Variants in FTO observed in about 807,000 individuals in gnomAD.
FTO encodes the protein FTO alpha-ketoglutarate dependent dioxygenase.
FTO carries 47 observed loss-of-function variants against 63.9 expected under a neutral mutation model. The observed-to-expected ratio is 0.74, with a 90% CI of 0.58 to 0.94. The LOEUF (loss-of-function observed/expected upper bound fraction) is 0.94, where lower values mean the gene tolerates loss of function less well. FTO is among the 40% of genes least tolerant of loss of function. The probability of loss-of-function intolerance (pLI) is 0.00; values close to 1 mark genes in which losing one functional copy is unlikely to be tolerated. For missense variants in FTO, 562 were observed against 618.1 expected (o/e 0.91, Z 0.96); for synonymous variants, 207 against 224.4 (o/e 0.92, Z 0.69).
rs57925273 is a variant in FTO at position 53,950,155 on chromosome 16, T to TAAAAAAAAAAAA, written c.1364+16059_1364+16070dup. ...GGAAAAAAAAAGATATTCACATTTG[T>TAAAAAAAAAAAA]AAAAAAAAAAAAAAAAAAAAAAAAC... On this transcript the variant is annotated intron_variant, in intron 8 of 8. Coordinates refer to ENST00000471389, the MANE Select transcript of FTO (RefSeq NM_001080432.3). Among the ~76,000 whole-genome samples the TAAAAAAAAAAAA allele has an allele frequency of 1.2e-3, 63 of 50,608 alleles. 3 individuals carry two copies. The highest frequency in any genetic ancestry group is 2.1e-3 in the Non-Finnish European group (48 of 22,564). The allele number at this position is 50,608 out of a possible 152,430, so 33.2% of individuals were successfully genotyped here. A position where few individuals can be genotyped will look rare whatever the true frequency, so the allele number is the denominator to read the frequency against.
chr16:54,050,262 A>G (rs1485313942), intron 8 of FTO, among the ~76,000 whole-genome samples: 2 of 152,192 alleles, frequency 1.3e-5, no homozygotes, highest in Non-Finnish European at 2.9e-5. Context: ...GGGAGAGATC[A>G]CAGTGGATCT....
intron 4 of FTO, among the ~76,000 whole-genome samples, chr16:53,857,755 A>G (rs183188574): frequency 2.0e-4 from 31 of 152,252 alleles, no homozygotes; most frequent in African/African-American, 7.0e-4. Flanking sequence ...CTACTCATCA[A>G]TGTGTCTTTT....
At chr16:53,800,229 C>T (rs1296570014) in intron 1 of FTO, among the ~76,000 whole-genome samples, 1 of 152,034 alleles carries the variant, frequency 6.6e-6, no homozygotes, top group Non-Finnish European at 1.5e-5. Context: ...AATACTTTCT[C>T]ATTTCTCGAT....
At chr16:54,083,972 T>A (rs903723682) in intron 8 of FTO, among the ~76,000 whole-genome samples, 13 of 152,156 alleles carry the variant, frequency 8.5e-5, no homozygotes, top group Non-Finnish European at 1.2e-4. Flanking sequence ...AAATCCGAAA[T>A]GCTCCAAAAT....
intron 8 of FTO, chr16:53,993,451 C>G (rs1334507832): frequency 3.3e-5 from 5 of 152,086 alleles, no homozygotes; most frequent in Non-Finnish European, 7.4e-5. Flanking sequence ...CTGAACTTTA[C>G]TAAAATAAAA....
intron 8 of FTO, among the ~76,000 whole-genome samples, chr16:53,940,656 T>A (rs192850890): frequency 4.0e-4 from 61 of 152,338 alleles, no homozygotes; most frequent in Non-Finnish European, 6.8e-4. Context: ...ACAACTTCAT[T>A]TGGGTCGAAG....
intron 8 of FTO, 129 bp from the exon 9 acceptor site, chr16:54,111,633 C>T (rs1245337905): frequency 9.5e-6 from 9 of 945,356 alleles, no homozygotes; most frequent in South Asian, 6.7e-5. Flanking sequence ...TTCATTCAGT[C>T]GTCACCATGA....
chr16:53,978,121 G>C (rs2083467702), intron 8 of FTO, among the ~76,000 whole-genome samples: 5 of 152,168 alleles, frequency 3.3e-5, no homozygotes, highest in Admixed American at 1.3e-4. Flanking sequence ...GGTTAGAGAA[G>C]ACACTATTGT....
At chr16:53,943,728 A>G (rs927427827) in intron 8 of FTO, among the ~76,000 whole-genome samples, 1 of 152,262 alleles carries the variant, frequency 6.6e-6, no homozygotes, top group African/African-American at 2.4e-5. Flanking sequence ...TTCAGTTGAG[A>G]TAAAGATACA....
chr16:54,029,553 C>T (rs2084784938), intron 8 of FTO, among the ~76,000 whole-genome samples: 1 of 152,164 alleles, frequency 6.6e-6, no homozygotes, highest in Non-Finnish European at 1.5e-5. Flanking sequence ...TCATTAGTCC[C>T]TGTAACTCTC....
intron 7 of FTO, among the ~76,000 whole-genome samples, chr16:53,932,653 A>G (rs1479433100): frequency 1.3e-5 from 2 of 152,080 alleles, no homozygotes; most frequent in African/African-American, 4.8e-5. Context: ...GCCTCCCAAA[A>G]TGCTGGGATT....
At chr16:54,102,677 A>G (rs1304900826) in intron 8 of FTO, among the ~76,000 whole-genome samples, 1 of 152,188 alleles carries the variant, frequency 6.6e-6, no homozygotes, top group Non-Finnish European at 1.5e-5. Flanking sequence ...CATTGTTTAT[A>G]TAGAAGCTGT....
At chr16:53,883,320 A>T (rs1444723076) in intron 6 of FTO, among the ~76,000 whole-genome samples, 1 of 152,162 alleles carries the variant, frequency 6.6e-6, no homozygotes, top group Non-Finnish European at 1.5e-5. Context: ...GAATATCGTC[A>T]TCTAAGTCTG....
rs547283647 is a variant in FTO, at chr16:54,119,810, G to A, written c.*7895G>A. The A allele has an allele frequency of 1.3e-5, 2 of 152,158 alleles. No individual in the cohort carries two copies. Among genetic ancestry groups the A allele is most frequent in the Non-Finnish European group, 2.9e-5 (2 of 68,048 alleles). 9.4% of individuals were successfully genotyped at this position (152,158 alleles called of 1,614,324 possible). A position where few individuals can be genotyped will look rare whatever the true frequency, so the allele number is the denominator to read the frequency against. ...ATATACCGTACATTGATTTCTCCCT[G>A]TGAGCAGCAACATAAGTTTGAAACT... is the stretch of plus-strand genomic sequence containing the variant. On this transcript the variant is annotated 3_prime_UTR_variant, in exon 9 of 9. Coordinates refer to ENST00000471389, the MANE Select transcript of FTO (RefSeq NM_001080432.3).
At chr16:53,958,287 T>C (rs2082976887) in intron 8 of FTO, among the ~76,000 whole-genome samples, 1 of 152,136 alleles carries the variant, frequency 6.6e-6, no homozygotes, top group South Asian at 2.1e-4. Context: ...CAGAAAGGGA[T>C]GTAGAGGGAA....
At chr16:53,960,723 G>A (rs2083057377) in intron 8 of FTO, among the ~76,000 whole-genome samples, 3 of 151,508 alleles carry the variant, frequency 2.0e-5, no homozygotes. Context: ...GGGGTGGGGG[G>A]GGCGCGGTTA....
At chr16:54,080,619 T>C (rs1187902381) in intron 8 of FTO, among the ~76,000 whole-genome samples, 1 of 152,198 alleles carries the variant, frequency 6.6e-6, no homozygotes, top group African/African-American at 2.4e-5. Flanking sequence ...AATTTCAGGC[T>C]GAAGGACCCA....
At chr16:53,704,112 T>C, upstream of FTO, 1 of 1,411,454 alleles carries the variant, frequency 7.1e-7, no homozygotes, top group Non-Finnish European at 9.8e-7. Context: ...CTGAGAGAAC[T>C]ACATGCAGGA....
At chr16:53,993,926 C>T (rs750729766) in intron 8 of FTO, 2 of 152,190 alleles carry the variant, frequency 1.3e-5, no homozygotes, top group Non-Finnish European at 2.9e-5. Flanking sequence ...TTCATTTTAT[C>T]ATAGTTTCTT....
Sources: gnomAD v4.1 joint callset for allele counts (sites outside exome capture counted in the v4.1 genomes callset) on GRCh38, gnomAD v4.1.1 for gene constraint, MANE v1.5 for transcripts, NCBI Gene and HGNC (gene_info 2026-07-23, HGNC 2026-07-21) for gene names.